Variants in ULK4 observed in about 807,000 individuals in gnomAD.
The protein encoded by ULK4 is inactive serine/threonine-protein kinase ULK4.
A neutral mutation model predicts 160.6 loss-of-function variants in ULK4; 133 were observed. That is an observed-to-expected ratio of 0.83 (90% CI 0.72 to 0.96). The LOEUF (loss-of-function observed/expected upper bound fraction) is 0.96, where lower values mean the gene tolerates loss of function less well. ULK4 is among the 40% of genes least tolerant of loss of function. The pLI is 0.00. For missense variants in ULK4, 1,580 were observed against 1,499.5 expected (o/e 1.05, Z -0.89); for synonymous variants, 534 against 539.8 (o/e 0.99, Z 0.15).
chr3:41,407,058 G>A (rs1370687026), intron 34 of ULK4, among the ~76,000 whole-genome samples: 1 of 152,156 alleles, frequency 6.6e-6, no homozygotes, highest in Non-Finnish European at 1.5e-5. Context: ...GAGTTGATAG[G>A]ACAAGTTTAT....
intron 21 of ULK4, among the ~76,000 whole-genome samples, chr3:41,774,721 G>A (rs2039537350): frequency 6.7e-6 from 1 of 150,250 alleles, no homozygotes; most frequent in South Asian, 2.1e-4. Flanking sequence ...TCCCATTACT[G>A]GGTATATACC....
intron 20 of ULK4, among the ~76,000 whole-genome samples, chr3:41,798,737 T>C (rs2040371654): frequency 6.6e-6 from 1 of 151,376 alleles, no homozygotes; most frequent in African/African-American, 2.4e-5. Context: ...GCAGCCAAGA[T>C]TGTGCGTGTT....
At chr3:41,637,900 T>C (rs56187268) in intron 30 of ULK4, among the ~76,000 whole-genome samples, 9 of 152,336 alleles carry the variant, frequency 5.9e-5, no homozygotes, top group African/African-American at 2.2e-4. Flanking sequence ...TTTCCTACTA[T>C]TGAGTTGTTT....
chr3:41,404,920 G>A (rs998376693), intron 34 of ULK4, among the ~76,000 whole-genome samples: 1 of 152,106 alleles, frequency 6.6e-6, no homozygotes, highest in African/African-American at 2.4e-5. Flanking sequence ...CTGGTATTAT[G>A]TTATAGCAGC....
intron 35 of ULK4, among the ~76,000 whole-genome samples, chr3:41,266,346 G>A (rs1575372530): frequency 6.6e-6 from 1 of 152,112 alleles, no homozygotes; most frequent in Non-Finnish European, 1.5e-5. Context: ...ATCTCTAATG[G>A]GTGAAGCTGA....
chr3:41,838,209 C>A (rs2041814601), intron 17 of ULK4, among the ~76,000 whole-genome samples: 1 of 152,258 alleles, frequency 6.6e-6, no homozygotes, highest in African/African-American at 2.4e-5. Flanking sequence ...AGCAAGAACA[C>A]AGTAGGCCAA....
intron 31 of ULK4, among the ~76,000 whole-genome samples, chr3:41,587,615 C>T (rs2030920952): frequency 6.6e-6 from 1 of 152,076 alleles, no homozygotes; most frequent in Non-Finnish European, 1.5e-5. Flanking sequence ...CCTCAATTCC[C>T]AGTAGCCTTT....
intron 19 of ULK4, among the ~76,000 whole-genome samples, chr3:41,812,377 A>G (rs1559572198): frequency 6.6e-6 from 1 of 152,202 alleles, no homozygotes; most frequent in East Asian, 1.9e-4. Context: ...AAATGATCAG[A>G]TGGAAAGAGG....
At chr3:41,785,252 T>C (rs2039966515) in intron 21 of ULK4, among the ~76,000 whole-genome samples, 1 of 152,210 alleles carries the variant, frequency 6.6e-6, no homozygotes, top group Admixed American at 6.5e-5. Context: ...ATATAACAAG[T>C]TTCTTTTAAT....
chr3:41,527,002 G>A (rs1203093652), intron 32 of ULK4, among the ~76,000 whole-genome samples: 2 of 152,146 alleles, frequency 1.3e-5, no homozygotes, highest in Admixed American at 6.5e-5. Flanking sequence ...GAATAGTAGT[G>A]AAAATAATAG....
chr3:41,777,189 G>T (rs2039658254), intron 21 of ULK4, among the ~76,000 whole-genome samples: 1 of 92,774 alleles, frequency 1.1e-5, no homozygotes, highest in Admixed American at 1.0e-4. Context: ...ATTTCTTCTA[G>T]ATTTTCTAGT....
At chr3:41,569,300 T>A (rs953411111) in intron 31 of ULK4, among the ~76,000 whole-genome samples, 3 of 152,144 alleles carry the variant, frequency 2.0e-5, no homozygotes, top group African/African-American at 7.2e-5. Flanking sequence ...CTCAAAGTTT[T>A]CAGCCCTCTA....
At chr3:41,863,561 G>A (rs1234926091) in intron 17 of ULK4, among the ~76,000 whole-genome samples, 1 of 151,802 alleles carries the variant, frequency 6.6e-6, no homozygotes, top group Admixed American at 6.6e-5. Flanking sequence ...AGTCTCACCT[G>A]AAGCCAGCAA....
At chr3:41,457,897 T>A (rs1016279342) in intron 33 of ULK4, among the ~76,000 whole-genome samples, 7 of 152,170 alleles carry the variant, frequency 4.6e-5, no homozygotes, top group Non-Finnish European at 8.8e-5. Flanking sequence ...CGATAGAGGA[T>A]GCTAGCCTGG....
chr3:41,465,235 T>C (rs2083799277), intron 32 of ULK4, among the ~76,000 whole-genome samples: 1 of 152,202 alleles, frequency 6.6e-6, no homozygotes, highest in Admixed American at 6.5e-5. Flanking sequence ...TATTTTATTA[T>C]GAAAACAAAG....
intron 4 of ULK4, among the ~76,000 whole-genome samples, chr3:41,935,015 TA>T (rs1402429734): frequency 2.7e-4 from 26 of 96,404 alleles, no homozygotes; most frequent in African/African-American, 7.9e-4. Flanking sequence ...TTTTATTTAT[TA>T]ATTTTTTTTT....
chr3:41,303,990 G>T (rs918942562), intron 35 of ULK4, among the ~76,000 whole-genome samples: 1 of 152,126 alleles, frequency 6.6e-6, no homozygotes, highest in African/African-American at 2.4e-5. Flanking sequence ...CAGACAACAG[G>T]GCAGGTGTGA....
At chr3:41,591,666 T>C (rs2031315802) in intron 31 of ULK4, among the ~76,000 whole-genome samples, 1 of 152,354 alleles carries the variant, frequency 6.6e-6, no homozygotes, top group Admixed American at 6.5e-5. Context: ...AACTTATTTT[T>C]ATATTTAAAT....
chr3:41,603,989 T>C (rs2032246918), intron 31 of ULK4, among the ~76,000 whole-genome samples: 1 of 152,078 alleles, frequency 6.6e-6, no homozygotes. Flanking sequence ...AGATGATAGA[T>C]GAGGCTAAAG....
Sources: allele counts gnomAD v4.1 joint callset (sites outside exome capture counted in the v4.1 genomes callset), GRCh38; gene constraint gnomAD v4.1.1; transcripts MANE v1.5; gene names NCBI Gene and HGNC (gene_info 2026-07-23, HGNC 2026-07-21).